MIA2: variants seen among roughly 807,000 people sequenced by gnomAD.
MIA2 encodes the protein melanoma inhibitory activity protein 2.
MIA2 carries 127 observed loss-of-function variants against 167.8 expected under a neutral mutation model. The ratio of observed to expected loss-of-function variants is 0.76; its 90% CI spans 0.66 to 0.88. The LOEUF (loss-of-function observed/expected upper bound fraction) is 0.88, where lower values mean the gene tolerates loss of function less well. Among genes scored for constraint, MIA2 ranks in the 40% least tolerant of loss-of-function variants. The pLI is 0.00. For missense variants in MIA2, 1,690 were observed against 1,624.7 expected, an observed-to-expected ratio of 1.04 and a Z score of -0.69; for synonymous variants, 552 against 541.9, an observed-to-expected ratio of 1.02 and a Z score of -0.26.
chr14:39,334,334 G>T (rs1371509311), intron 25 of MIA2, among the ~76,000 whole-genome samples: 2 of 151,994 alleles, frequency 1.3e-5, no homozygotes, highest in African/African-American at 4.8e-5. Context: ...AATTAGCTGG[G>T]TGTGGTGGCA....
In MIA2 at chr14:39,373,384, T is replaced by C. The variant is rs144692242; in HGVS notation, c.2249-13501T>C. ...TCTGGAAAATTAGCAACCTACCTAA[T>C]TGAATTAAAAGAAAAACTTGAATGA... On this transcript the variant is annotated intron_variant, in intron 23 of 23. Transcript: ENST00000341502. 9.4e-5 allele frequency among the ~76,000 whole-genome samples: 14 copies of C among 148,754 alleles called. No individual in the cohort carries two copies. The East Asian group carries it at 2.5e-3, about 27-fold the overall frequency.
rs1211998974 is a variant in MIA2 at position 39,306,364 on chromosome 14, TAA to T, written c.2878+1984_2878+1985del. On this transcript the variant is annotated intron_variant, in intron 17 of 28. Transcript: ENST00000640607. The stretch of plus-strand genomic sequence containing the variant: ...TGCTTCTGGGGAGGTGTCAGGAAAT[TAA>T]CAGTCATGGTGGAAGGTGAAGGGGT... Among the ~76,000 whole-genome samples the T allele has an allele frequency of 4.6e-5, 7 of 152,190 alleles. No individual in the cohort carries two copies. The South Asian group carries it at 6.2e-4, about 14-fold the overall frequency.
At chr14:39,285,445 C>T (rs1349847982) in intron 9 of MIA2, among the ~76,000 whole-genome samples, 1 of 145,788 alleles carries the variant, frequency 6.9e-6, no homozygotes, top group East Asian at 2.1e-4. Flanking sequence ...CACCTTCCTC[C>T]CGGACGGGGC....
intron 25 of MIA2, among the ~76,000 whole-genome samples, chr14:39,340,356 T>G (rs1166611728): frequency 6.6e-6 from 1 of 152,196 alleles, no homozygotes; most frequent in Non-Finnish European, 1.5e-5. Context: ...TAAAAACTCT[T>G]TTTCTTAAAG....
At chr14:39,272,045 C>T (rs1049355813) in intron 6 of MIA2, among the ~76,000 whole-genome samples, 13 of 151,714 alleles carry the variant, frequency 8.6e-5, no homozygotes, top group African/African-American at 2.4e-4. Context: ...TAGAGGTGGG[C>T]GTGACAATGT....
At chr14:39,243,997 G>A (rs549406019) in intron 3 of MIA2, among the ~76,000 whole-genome samples, 5 of 152,374 alleles carry the variant, frequency 3.3e-5, no homozygotes, top group African/African-American at 9.6e-5. Flanking sequence ...ATCTAATGCA[G>A]TAGACTGAGT....
At chr14:39,300,792 T>A (rs1405050632) in intron 14 of MIA2, among the ~76,000 whole-genome samples, 1 of 151,770 alleles carries the variant, frequency 6.6e-6, no homozygotes, top group East Asian at 1.9e-4. Flanking sequence ...ATTGTGCACG[T>A]GTATCCCAGA....
intron 6 of MIA2, chr14:39,253,663 T>A (rs1286072073): frequency 1.3e-5 from 2 of 150,822 alleles, no homozygotes; most frequent in Non-Finnish European, 2.9e-5. Context: ...AAACCTAAAC[T>A]AAAAAAAACT....
intron 23 of MIA2, among the ~76,000 whole-genome samples, chr14:39,377,739 A>G (rs2075071407): frequency 6.6e-6 from 1 of 151,026 alleles, no homozygotes; most frequent in African/African-American, 2.5e-5. Context: ...AAGAATAATC[A>G]TTTGTTATAC....
intron 13 of MIA2, among the ~76,000 whole-genome samples, chr14:39,295,318 A>T (rs1182449187): frequency 6.6e-6 from 1 of 152,154 alleles, no homozygotes; most frequent in African/African-American, 2.4e-5. Flanking sequence ...AGAGAATATG[A>T]GTGAGGATTA....
chr14:39,336,110 A>G lies in MIA2; in HGVS notation c.3655+9088A>G, dbSNP rs62000688. Among the ~76,000 whole-genome samples the G allele has an allele frequency of 1.9e-4, 29 of 152,262 alleles. No homozygotes were observed. The South Asian group carries it at 4.1e-3, about 22-fold the overall frequency. On this transcript the variant is annotated intron_variant, in intron 25 of 28. Coordinates refer to ENST00000640607, the MANE Select transcript of MIA2 (RefSeq NM_001329214.4). ...TGTAGAACGACTTAGTTTCTTTTGG[A>G]TATATACCCAGTAATGGGATTGCTG... is the stretch of plus-strand genomic sequence containing the variant.
intron 6 of MIA2, among the ~76,000 whole-genome samples, chr14:39,264,319 A>G (rs61998550): frequency 6.6e-6 from 1 of 152,134 alleles, no homozygotes; most frequent in Non-Finnish European, 1.5e-5. Context: ...GTGTATATGT[A>G]CCACATTTTC....
chr14:39,303,457 T>C, intron 15 of MIA2, 21 bp from the exon 16 acceptor site: 1 of 1,594,190 alleles, frequency 6.3e-7, no homozygotes, highest in Non-Finnish European at 8.6e-7. Context: ...ATCATTGTTG[T>C]GCTTTTGATT....
At position 39,247,691 on chromosome 14, in the gene MIA2, C is replaced by G; in HGVS notation, c.1117C>G (p.Leu373Val). The G allele has an allele frequency of 6.2e-7, 1 of 1,611,752 alleles. No individual in the cohort carries two copies. Among genetic ancestry groups the G allele is most frequent in the Non-Finnish European group, 8.5e-7 (1 of 1,179,380 alleles). ...KDTITNDSLS[L>V]KPSWFDFGFA... Reference sequence around the variant, plus strand: ...CACAATCACTAATGATAGCTTGAGTCTCAAGCCAAGTTGGTTTGATTTTGG... The same window carrying G: ...CACAATCACTAATGATAGCTTGAGTGTCAAGCCAAGTTGGTTTGATTTTGG... The change falls in exon 4 of 29, where the codon CTC (leucine) becomes GTC (valine). Residue 373 changes from leucine to valine, a missense_variant. By Grantham distance (32) the Leu-to-Val change is conservative. Transcript: ENST00000640607.
At chr14:39,311,016 G>GT (rs2064143891) in intron 18 of MIA2, among the ~76,000 whole-genome samples, 2 of 151,986 alleles carry the variant, frequency 1.3e-5, no homozygotes, top group Non-Finnish European at 1.5e-5. Flanking sequence ...ATTTTTGAGT[G>GT]TATCTTTTGA....
intron 6 of MIA2, chr14:39,267,129 C>G: frequency 1.7e-6 from 2 of 1,151,888 alleles, no homozygotes; most frequent in Non-Finnish European, 2.1e-6. Flanking sequence ...GTCCGCGCCT[C>G]CCCGCCTTCT....
chr14:39,349,649 TTTTG>T (rs1418426489), intron 28 of MIA2, among the ~76,000 whole-genome samples: 5 of 152,212 alleles, frequency 3.3e-5, no homozygotes, highest in African/African-American at 4.8e-5. Context: ...TTAAAATGAA[TTTTG>T]TTTGGGGAAA....
chr14:39,302,333 C>A, intron 15 of MIA2, 84 bp downstream of exon 15: 1 of 1,447,406 alleles, frequency 6.9e-7, no homozygotes, highest in Non-Finnish European at 9.5e-7. Context: ...GCACCATGTT[C>A]TTTATATGCT....
chr14:39,249,265 T>C (rs1185225885), intron 4 of MIA2, among the ~76,000 whole-genome samples: 1 of 152,132 alleles, frequency 6.6e-6, no homozygotes, highest in African/African-American at 2.4e-5. Context: ...CTCAGCCTCC[T>C]GAGTAGCTGG....
Sources: gnomAD v4.1 joint callset for allele counts (sites outside exome capture counted in the v4.1 genomes callset) on GRCh38, gnomAD v4.1.1 for gene constraint, MANE v1.5 for transcripts, NCBI Gene and HGNC (gene_info 2026-07-23, HGNC 2026-07-21) for gene names.